Variants in CAPS2 observed in about 807,000 individuals in gnomAD.
CAPS2 encodes the protein calcyphosin-2.
In CAPS2, 98 loss-of-function variants were observed where a neutral mutation model predicts 86.5. That is an observed-to-expected ratio of 1.13 (90% CI 0.96 to 1.34). CAPS2 has a LOEUF of 1.34. Ranked by LOEUF, CAPS2 falls within the 40% of genes most tolerant of loss-of-function variation. The pLI is 0.00. For missense variants in CAPS2, 729 were observed against 686.8 expected, an observed-to-expected ratio of 1.06 and a Z score of -0.69; for synonymous variants, 210 against 225.1, an observed-to-expected ratio of 0.93 and a Z score of 0.60.
At chr12:75,278,517 A>G (rs1025950624) in exon 17 of CAPS2, 2 of 990,602 alleles carry the variant, frequency 2.0e-6, no homozygotes, top group African/African-American at 3.5e-5. Flanking sequence ...AAGGACAGGA[A>G]ACTTGGTTAA....
intron 1 of CAPS2, among the ~76,000 whole-genome samples, chr12:75,341,139 C>T (rs896331484): frequency 1.3e-5 from 2 of 152,066 alleles, no homozygotes; most frequent in African/African-American, 2.4e-5. Context: ...GAAAACATTG[C>T]TACATAAAAA....
At chr12:75,323,178 T>A (rs202055638) in exon 3 of CAPS2, 1 of 1,536,642 alleles carries the variant, frequency 6.5e-7, no homozygotes, top group Non-Finnish European at 8.8e-7. Flanking sequence ...AAAAATTACC[T>A]CATCATCAGA....
At position 75,347,772 on chromosome 12, in the gene CAPS2, T is replaced by C. The variant is rs760935325; in HGVS notation, c.-394-24550A>G. The C allele has an allele frequency of 1.2e-5, 15 of 1,272,732 alleles. No individual in the cohort carries two copies. In the African/African-American group the frequency reaches 1.2e-4, roughly 10 times the overall value. 78.8% of individuals were successfully genotyped at this position (1,272,732 alleles called of 1,614,324 possible). ...TTTTAATTGAAATTAATGTTGATGA[T>C]GGTTGCCAAATAAGAGGACCTTATA... On this transcript the variant is annotated intron_variant, in intron 1 of 5. Transcript: ENST00000551829.
At position 75,381,250 on chromosome 12, in the gene CAPS2, G is replaced by A. The variant is rs575442221; in HGVS notation, c.-395+9588C>T. On this transcript the variant is annotated intron_variant, in intron 1 of 5. Transcript: ENST00000551829. ...TTCTTCCTCATTCTCTCTTGTCGCC[G>A]CCATGTAAGAAGTGGCTTTAGCCCT... Among the ~76,000 whole-genome samples, 317 of 152,262 alleles carry A rather than the reference G, an allele frequency of 2.1e-3. 1 individual carries two copies. Among genetic ancestry groups the A allele is most frequent in the Admixed American group, 6.7e-3 (102 of 15,296 alleles).
intron 12 of CAPS2, among the ~76,000 whole-genome samples, chr12:75,292,572 A>G (rs1267920860): frequency 6.8e-6 from 1 of 147,362 alleles, no homozygotes; most frequent in Non-Finnish European, 1.5e-5. Context: ...TCTAATGTGT[A>G]TATATATATA....
intron 1 of CAPS2, among the ~76,000 whole-genome samples, chr12:75,375,124 A>T (rs137918501): frequency 6.6e-6 from 1 of 152,240 alleles, no homozygotes; most frequent in African/African-American, 2.4e-5. Context: ...CTTTCCTACC[A>T]CAATAGCCCT....
In CAPS2 at chr12:75,344,115, T is replaced by G. The variant is rs186314442; in HGVS notation, c.-394-20893A>C. Reference sequence around the variant, plus strand: ...ACCAAAGTTTTCTGTATGTTTCTTGTGCTGCAGTTCACTGGCCTTTTTGAA... The same window carrying G: ...ACCAAAGTTTTCTGTATGTTTCTTGGGCTGCAGTTCACTGGCCTTTTTGAA... On this transcript the variant is annotated intron_variant, in intron 1 of 5. Coordinates refer to the CAPS2 transcript ENST00000551829. Among the ~76,000 whole-genome samples the G allele has an allele frequency of 1.2e-4, 19 of 152,278 alleles. 1 individual carries two copies.
chr12:75,363,097 T>C (rs751520198), intron 1 of CAPS2: 2 of 1,513,454 alleles, frequency 1.3e-6, no homozygotes, highest in African/African-American at 1.4e-5. Context: ...TTCTCTTTTT[T>C]ACAGAGGAAA....
At chr12:75,279,549 G>A (rs570186638) in intron 16 of CAPS2, among the ~76,000 whole-genome samples, 1 of 151,994 alleles carries the variant, frequency 6.6e-6, no homozygotes, top group South Asian at 2.1e-4. Flanking sequence ...ACAAAATTAA[G>A]GTGAGAGTTA....
At chr12:75,357,646 AATAC>A (rs1482524316) in intron 1 of CAPS2, among the ~76,000 whole-genome samples, 2 of 152,138 alleles carry the variant, frequency 1.3e-5, no homozygotes, top group Non-Finnish European at 2.9e-5. Context: ...GTATTAAAAT[AATAC>A]AAAGTATGTT....
At chr12:75,373,052 T>C (rs890273613) in intron 1 of CAPS2, among the ~76,000 whole-genome samples, 1 of 152,196 alleles carries the variant, frequency 6.6e-6, no homozygotes, top group Admixed American at 6.5e-5. Flanking sequence ...TGCCACCAAA[T>C]AGTTGTCTAA....
At chr12:75,278,411 T>G (rs1287910645) in exon 17 of CAPS2, 2 of 983,934 alleles carry the variant, frequency 2.0e-6, no homozygotes, top group African/African-American at 3.5e-5. Flanking sequence ...AAAAACACAT[T>G]GAATTATCTC....
chr12:75,383,766 C>G (rs1392302692), intron 1 of CAPS2, among the ~76,000 whole-genome samples: 1 of 152,066 alleles, frequency 6.6e-6, no homozygotes, highest in African/African-American at 2.4e-5. Context: ...CCAAAATAAA[C>G]TATATTCTGG....
intron 1 of CAPS2, among the ~76,000 whole-genome samples, chr12:75,367,719 T>C (rs1240301013): frequency 1.3e-5 from 2 of 152,188 alleles, no homozygotes; most frequent in Non-Finnish European, 2.9e-5. Context: ...TTGGATTTTA[T>C]ATGATGACAA....
At chr12:75,276,726 C>T, downstream of CAPS2, 1 of 821,684 alleles carries the variant, frequency 1.2e-6, no homozygotes, top group Non-Finnish European at 1.5e-6. Context: ...ATTCCATAAA[C>T]AGTATGGTTA....
At chr12:75,366,942 A>T (rs1465495144) in intron 1 of CAPS2, 1 of 701,864 alleles carries the variant, frequency 1.4e-6, no homozygotes, top group Non-Finnish European at 2.6e-6. Context: ...ATTCCCACTC[A>T]GTCCCCAGTC....
intron 8 of CAPS2, among the ~76,000 whole-genome samples, chr12:75,300,811 A>G (rs1199224931): frequency 6.6e-6 from 1 of 152,144 alleles, no homozygotes; most frequent in Non-Finnish European, 1.5e-5. Context: ...CTAGAGCGGT[A>G]ACATCACTAA....
At chr12:75,276,166 T>A, downstream of CAPS2, 1 of 1,518,330 alleles carries the variant, frequency 6.6e-7, no homozygotes, top group South Asian at 1.3e-5. Flanking sequence ...GCTTATTTTA[T>A]ATATGCCCAT....
intron 7 of CAPS2, chr12:75,305,569 C>A (rs1432952773): frequency 4.7e-6 from 3 of 632,268 alleles, no homozygotes; most frequent in Non-Finnish European, 9.0e-6. Flanking sequence ...GGCAGAGCCG[C>A]AGAGCCCTCC....
Sources: gnomAD v4.1 joint callset for allele counts (sites outside exome capture counted in the v4.1 genomes callset) on GRCh38, gnomAD v4.1.1 for gene constraint, MANE v1.5 for transcripts, NCBI Gene and HGNC (gene_info 2026-07-23, HGNC 2026-07-21) for gene names.